The following INSL3 variants were observed in gnomAD, a reference collection of about 807,000 sequenced individuals.
INSL3 encodes insulin-like 3.
Under a neutral mutation model 5.5 loss-of-function variants are expected in INSL3, and 6 were observed. That is an observed-to-expected ratio of 1.08 (90% confidence interval 0.59 to 2.14). The LOEUF (loss-of-function observed/expected upper bound fraction) is 2.14, where lower values mean the gene tolerates loss of function less well. Among genes scored for constraint, INSL3 ranks in the 30% most tolerant of loss-of-function variants. The pLI, the probability that INSL3 is intolerant of heterozygous loss-of-function variation, is 0.00. For synonymous variants in INSL3, 86 were observed against 82.1 expected (o/e 1.05, Z -0.26); for missense variants, 178 against 184.7 (o/e 0.96, Z 0.21).
At position 17,816,605 on chromosome 19, in the gene INSL3, A is replaced by G; in HGVS notation, c.*249T>C. 1 of 570,290 alleles carries G rather than the reference A, an allele frequency of 1.8e-6. No individual in the cohort carries two copies. The highest frequency in any genetic ancestry group is 3.2e-6 in the Non-Finnish European group (1 of 317,170). The allele number at this position is 570,290 out of a possible 1,614,324, so 35.3% of individuals were successfully genotyped here. Reference sequence around the variant, plus strand: ...TCTGGGGCTCCCCTGGAGTGAGGACATTTGGCTGTCAGTGTCCAGCATCTG... The same window carrying G: ...TCTGGGGCTCCCCTGGAGTGAGGACGTTTGGCTGTCAGTGTCCAGCATCTG... On this transcript the variant is annotated 3_prime_UTR_variant, in exon 2 of 2. Transcript: ENST00000317306.
chr19:17,816,534 C>T lies in INSL3; in HGVS notation c.*320G>A. 1 of 409,976 alleles carries T rather than the reference C, an allele frequency of 2.4e-6. No individual in the cohort carries two copies. Among genetic ancestry groups the T allele is most frequent in the Non-Finnish European group, 4.6e-6 (1 of 219,016 alleles). 25.4% of individuals were successfully genotyped at this position (409,976 alleles called of 1,614,324 possible). ...GAAGCTGCTTTGGGTCGTTTATTTA[C>T]TAAGAGACAGCAAGAAGGGGTGTTA... On this transcript the variant is annotated 3_prime_UTR_variant, in exon 2 of 2. Coordinates refer to ENST00000317306, the MANE Select transcript of INSL3 (RefSeq NM_005543.4).
At chr19:17,818,682 A>G (rs1568395711) in intron 1 of INSL3, among the ~76,000 whole-genome samples, 1 of 151,922 alleles carries the variant, frequency 6.6e-6, no homozygotes, top group South Asian at 2.1e-4. Context: ...TGCAGTTTAC[A>G]ATTGACACCA....
rs899649354 is a variant in INSL3, at chr19:17,816,638, G to A, written c.*216C>T. On this transcript the variant is annotated 3_prime_UTR_variant, in exon 2 of 2. Transcript: ENST00000317306. ...GTCAGTGTCCAGCATCTGTGAAAGC[G>A]GGGATCCTCCAAGCCAGGGCTAGGG... is the stretch of plus-strand genomic sequence containing the variant. The A allele has an allele frequency of 1.3e-5, 8 of 598,998 alleles. No individual in the cohort carries two copies. The highest frequency in any genetic ancestry group is 2.8e-5 in the Admixed American group (1 of 35,608). 37.1% of individuals were successfully genotyped at this position (598,998 alleles called of 1,614,324 possible). A position where few individuals can be genotyped will look rare whatever the true frequency, so the allele number is the denominator to read the frequency against.
chr19:17,818,560 G>A (rs1044792154), intron 1 of INSL3, among the ~76,000 whole-genome samples: 1 of 151,960 alleles, frequency 6.6e-6, no homozygotes, highest in Non-Finnish European at 1.5e-5. Flanking sequence ...AGGCTGCAGT[G>A]ACCCGAGATC....
chr19:17,819,560 GC>G (rs2094192500), intron 1 of INSL3, among the ~76,000 whole-genome samples: 1 of 152,162 alleles, frequency 6.6e-6, no homozygotes, highest in African/African-American at 2.4e-5. Flanking sequence ...GACCAGCCTG[GC>G]CCGGGCACAG....
chr19:17,820,786 C>G (rs1444013746), intron 1 of INSL3, among the ~76,000 whole-genome samples: 6 of 151,748 alleles, frequency 4.0e-5, no homozygotes, highest in Non-Finnish European at 7.4e-5. Context: ...TTTCTGGCCC[C>G]TCAGGGGGAC....
intron 1 of INSL3, among the ~76,000 whole-genome samples, chr19:17,819,211 G>T (rs1176736788): frequency 6.7e-6 from 1 of 149,890 alleles, no homozygotes; most frequent in African/African-American, 2.4e-5. Context: ...TCCAGCCTGG[G>T]TGATAGAGTG....
rs2094188367 is a variant in INSL3, at chr19:17,816,797, T to A, written c.*57A>T. ...TATGGTGCTGTGTGGCCTCAGGAGC[T>A]CACCAGACCAGACCCTCTGGGCCTC... On this transcript the variant is annotated 3_prime_UTR_variant, in exon 2 of 2. Coordinates refer to ENST00000317306, the MANE Select transcript of INSL3 (RefSeq NM_005543.4). 1 of 1,547,142 alleles carries A rather than the reference T, an allele frequency of 6.5e-7. No individual in the cohort carries two copies. Among genetic ancestry groups the A allele is most frequent in the Non-Finnish European group, 8.9e-7 (1 of 1,122,434 alleles).
At chr19:17,820,607 G>A (rs1054738141) in intron 1 of INSL3, 17 of 176,022 alleles carry the variant, frequency 9.7e-5, no homozygotes, top group African/African-American at 1.2e-4. Context: ...GCAGTGAGCC[G>A]AGATCTCACC....
At position 17,816,919 on chromosome 19, in the gene INSL3, G is replaced by T; in HGVS notation, c.331C>A (p.Pro111Thr). 6.2e-7 allele frequency: 1 copy of T among 1,614,120 alleles called. No individual in the cohort carries two copies. Among genetic ancestry groups the T allele is most frequent in the Non-Finnish European group, 8.5e-7 (1 of 1,180,040 alleles). Residue 111 changes from proline (P) to threonine (T), a missense_variant, in exon 2 of 2, where the codon CCT becomes ACT. Physicochemically the swap from Pro to Thr is conservative, Grantham distance 38 (BLOSUM62 -1). Coordinates refer to ENST00000317306, the MANE Select transcript of INSL3 (RefSeq NM_005543.4). ...HRHHRAAATNPARYCCLSGCT... is the reference protein window; with the variant it reads ...HRHHRAAATNTARYCCLSGCT... ...CCACTGAGGCAGCAGTAGCGTGCAG[G>T]GTTGGTGGCAGCTGCACGGTGGTGG...
At chr19:17,817,171 T>C (rs2094189074) in intron 1 of INSL3, 112 bp from the exon 2 acceptor site, 3 of 1,064,690 alleles carry the variant, frequency 2.8e-6, no homozygotes, top group Admixed American at 2.0e-5. Flanking sequence ...CAAACACTCA[T>C]GCATGCAGAT....
In INSL3 at chr19:17,821,488, C is replaced by A. The variant is rs202136873; in HGVS notation, c.19G>T (p.Ala7Ser). The change falls in exon 1 of 2, where the codon GCC becomes TCC. Residue 7 changes from alanine to serine, a missense_variant. Transcript: ENST00000317306. ...GGGCCCAGCAGCACCAGCGCCCAGG[C>A]GGGCAGACGGGGGTCCATGGTGGTG... is the stretch of plus-strand genomic sequence containing the variant. MDPRLP[A>S]WALVLLGPAL... The A allele has an allele frequency of 1.7e-4, 259 of 1,498,122 alleles. 1 individual carries two copies. The East Asian group carries it at 6.3e-3, about 36-fold the overall frequency. The allele number at this position is 1,498,122 out of a possible 1,614,324, so 92.8% of individuals were successfully genotyped here.
chr19:17,820,181 G>A (rs1032278599), intron 1 of INSL3, among the ~76,000 whole-genome samples: 8 of 152,162 alleles, frequency 5.3e-5, no homozygotes, highest in Non-Finnish European at 8.8e-5. Flanking sequence ...CTACTCTGGA[G>A]GCTGAGGCAG....
intron 1 of INSL3, 122 bp from the exon 2 acceptor site, chr19:17,817,181 T>TA: frequency 9.8e-7 from 1 of 1,019,752 alleles, no homozygotes; most frequent in Non-Finnish European, 1.5e-6. Context: ...TGCATGCAGA[T>TA]AAAAAGTGAG....
At chr19:17,820,514 G>T in intron 1 of INSL3, 1 of 254,976 alleles carries the variant, frequency 3.9e-6, no homozygotes, top group South Asian at 3.7e-5. Flanking sequence ...AAAAAAATTA[G>T]CTGGGTGTGG....
chr19:17,817,094 C>T (rs370528966), intron 1 of INSL3, 35 bp from the exon 2 acceptor site: 70 of 1,591,120 alleles, frequency 4.4e-5, no homozygotes, highest in Non-Finnish European at 4.2e-5. Context: ...GGAACGGAAA[C>T]GACAGAGGAC....
intron 1 of INSL3, among the ~76,000 whole-genome samples, chr19:17,818,393 G>A (rs1043229796): frequency 2.6e-5 from 4 of 152,064 alleles, no homozygotes; most frequent in African/African-American, 9.7e-5. Flanking sequence ...AGGTGGGTGC[G>A]TTGCTTGAGC....
chr19:17,817,318 A>G (rs1375736171), intron 1 of INSL3, among the ~76,000 whole-genome samples: 5 of 150,496 alleles, frequency 3.3e-5, no homozygotes, highest in South Asian at 2.1e-4. Context: ...TCTACTAAAA[A>G]AAAAAACAAC....
At position 17,817,966 on chromosome 19, in the gene INSL3, T is replaced by C. The variant is rs140392413; in HGVS notation, c.191-907A>G. 8.3e-3 allele frequency among the ~76,000 whole-genome samples: 1,258 copies of C among 151,582 alleles called. 15 individuals carry two copies. The highest frequency in any genetic ancestry group is 0.029 in the African/African-American group (1,185 of 41,304). ...TGCCCTGCCCAGGGAGTGTCGGGGG[T>C]CTTGGAGCTACAGATGGTGTCAGTT... On this transcript the variant is annotated intron_variant, in intron 1 of 1. Coordinates refer to ENST00000317306, the MANE Select transcript of INSL3 (RefSeq NM_005543.4).
Sources: gnomAD v4.1 joint callset for allele counts (sites outside exome capture counted in the v4.1 genomes callset) on GRCh38, gnomAD v4.1.1 for gene constraint, MANE v1.5 for transcripts, NCBI Gene and HGNC (gene_info 2026-07-23, HGNC 2026-07-21) for gene names.